The following RDX variants were observed in gnomAD, a reference collection of about 807,000 sequenced individuals.
The protein encoded by RDX is deafness, autosomal recessive 24.
RDX carries 32 observed loss-of-function variants against 83.7 expected under a neutral mutation model. The observed-to-expected ratio is 0.38, with a 90% CI of 0.29 to 0.51. The LOEUF (loss-of-function observed/expected upper bound fraction) is 0.51, where lower values mean the gene tolerates loss of function less well. Ranked by LOEUF, RDX falls within the 20% of genes least tolerant of loss-of-function variation. The pLI is 0.87. For missense variants in RDX, 600 were observed against 689.9 expected (o/e 0.87, Z 1.46); for synonymous variants, 229 against 222.7 (o/e 1.03, Z -0.25).
At chr11:110,244,662 G>C (rs1473717674) in intron 10 of RDX, among the ~76,000 whole-genome samples, 1 of 152,108 alleles carries the variant, frequency 6.6e-6, no homozygotes, top group Non-Finnish European at 1.5e-5. Context: ...GTACAACTTT[G>C]TGAATATACT....
chr11:110,238,393 C>G (rs773620844), intron 10 of RDX, among the ~76,000 whole-genome samples: 1 of 152,158 alleles, frequency 6.6e-6, no homozygotes, highest in African/African-American at 2.4e-5. Context: ...GAGAGTTTAA[C>G]AGTACTAACT....
In RDX at chr11:110,206,903, C is replaced by T. The variant is rs997456315; in HGVS notation, c.1749-7225G>A. Among the ~76,000 whole-genome samples, 14 of 152,274 alleles carry T rather than the reference C, an allele frequency of 9.2e-5. No individual in the cohort carries two copies. The South Asian group carries it at 2.3e-3, about 25-fold the overall frequency. On this transcript the variant is annotated intron_variant, in intron 14 of 15. Coordinates refer to the RDX transcript ENST00000528498. ...GTATTGGGTTGGAGTGAGACCCAAA[C>T]GAGCAATTCTCAAAGTGTGGTCCCA... is the stretch of plus-strand genomic sequence containing the variant.
intron 14 of RDX, chr11:110,200,517 A>G (rs557724463): frequency 1.6e-4 from 25 of 152,352 alleles, no homozygotes; most frequent in Non-Finnish European, 3.4e-4. Context: ...GGGTAAAACA[A>G]TTAGAAATGC....
At chr11:110,249,093 T>C (rs1044331621) in intron 9 of RDX, among the ~76,000 whole-genome samples, 2 of 152,218 alleles carry the variant, frequency 1.3e-5, no homozygotes, top group African/African-American at 2.4e-5. Flanking sequence ...GAATCTATGT[T>C]AGGGGCAAAA....
chr11:110,181,369 G>A lies in RDX; in HGVS notation c.*32-6135C>T, dbSNP rs571029593. 5.9e-5 allele frequency among the ~76,000 whole-genome samples: 9 copies of A among 152,246 alleles called. No homozygotes were observed. In the East Asian group the frequency reaches 1.7e-3, roughly 29 times the overall value. On this transcript the variant is annotated intron_variant, in intron 15 of 15. Coordinates refer to the RDX transcript ENST00000528498. ...AGTAGAGACGGGGTTTCATCATGTT[G>A]GCCAGGCTGGTCTTGATCTCCTGAC...
intron 10 of RDX, among the ~76,000 whole-genome samples, chr11:110,242,764 G>A (rs1422114241): frequency 6.6e-6 from 1 of 151,974 alleles, no homozygotes; most frequent in Admixed American, 6.6e-5. Flanking sequence ...CTTTTTAACA[G>A]TCATATAGCC....
chr11:110,176,506 G>A (rs79082554), intron 15 of RDX, among the ~76,000 whole-genome samples: 10 of 152,206 alleles, frequency 6.6e-5, no homozygotes, highest in East Asian at 5.8e-4. Flanking sequence ...CCCCAGCCAC[G>A]GGGTGCCTGG....
At position 110,233,308 on chromosome 11, in the gene RDX, T is replaced by C. The variant is rs146734750; in HGVS notation, c.1516A>G (p.Met506Val). ...ASAELSNEGV[M>V]NHRSEEERVT... The stretch of plus-strand genomic sequence containing the variant: ...CGTTCTTCCTCGCTTCTATGGTTCA[T>C]TACCCCTTCATTTGATAATTCAGCA... The change falls in exon 13 of 14, where the codon ATG becomes GTG. Residue 506 changes from methionine to valine, a missense_variant. Met to Val is a conservative substitution (Grantham distance 21). Transcript: ENST00000645495. The C allele has an allele frequency of 2.4e-5, 38 of 1,614,058 alleles. No individual in the cohort carries two copies. In the African/African-American group the frequency reaches 4.3e-4, roughly 18 times the overall value.
At chr11:110,240,849 G>A (rs1259312763) in intron 10 of RDX, among the ~76,000 whole-genome samples, 1 of 151,212 alleles carries the variant, frequency 6.6e-6, no homozygotes, top group Non-Finnish European at 1.5e-5. Context: ...CAGGTCAGGA[G>A]TTCGAGACCA....
At chr11:110,254,643 T>C (rs2134356122) in intron 8 of RDX, among the ~76,000 whole-genome samples, 1 of 152,152 alleles carries the variant, frequency 6.6e-6, no homozygotes, top group South Asian at 2.1e-4. Context: ...ATCTGACTAA[T>C]ATTTGTATTT....
At chr11:110,251,034 T>G (rs1859315912) in intron 9 of RDX, among the ~76,000 whole-genome samples, 2 of 152,184 alleles carry the variant, frequency 1.3e-5, no homozygotes, top group Non-Finnish European at 2.9e-5. Flanking sequence ...TCTCTACATA[T>G]TCATCTATGT....
At chr11:110,193,782 A>G (rs1863149144) in intron 15 of RDX, among the ~76,000 whole-genome samples, 1 of 152,208 alleles carries the variant, frequency 6.6e-6, no homozygotes, top group Non-Finnish European at 1.5e-5. Context: ...AGCCGCAGCA[A>G]ATGCCCAGGT....
At chr11:110,258,867 CTT>C (rs11421586) in intron 5 of RDX, among the ~76,000 whole-genome samples, 11 of 94,608 alleles carry the variant, frequency 1.2e-4, no homozygotes, top group African/African-American at 4.3e-4. Context: ...CAAATACATT[CTT>C]TTTTTTTTTT....
At chr11:110,277,150 A>G (rs1565330383) in intron 2 of RDX, among the ~76,000 whole-genome samples, 1 of 152,198 alleles carries the variant, frequency 6.6e-6, no homozygotes, top group African/African-American at 2.4e-5. Context: ...CCAACTGCAT[A>G]TAATTTTGAC....
intron 1 of RDX, among the ~76,000 whole-genome samples, chr11:110,280,692 C>T (rs1045001981): frequency 6.6e-6 from 1 of 152,236 alleles, no homozygotes; most frequent in Non-Finnish European, 1.5e-5. Flanking sequence ...GTAATCCCAA[C>T]ACTTTAGGAC....
chr11:110,209,985 G>A (rs1375954262), intron 14 of RDX, among the ~76,000 whole-genome samples: 2 of 145,016 alleles, frequency 1.4e-5, no homozygotes, highest in South Asian at 2.3e-4. Context: ...AAAGCTGGAT[G>A]GAGAATGACT....
At chr11:110,223,533 A>G (rs1435696671) in intron 14 of RDX, among the ~76,000 whole-genome samples, 1 of 152,130 alleles carries the variant, frequency 6.6e-6, no homozygotes, top group African/African-American at 2.4e-5. Context: ...GTCTCAAAAA[A>G]ATAAATAAAA....
chr11:110,265,241 C>T (rs1859988864), intron 3 of RDX, among the ~76,000 whole-genome samples: 1 of 151,776 alleles, frequency 6.6e-6, no homozygotes, highest in Non-Finnish European at 1.5e-5. Context: ...CAGGTATGCA[C>T]TACCACGCCT....
intron 15 of RDX, among the ~76,000 whole-genome samples, chr11:110,181,442 G>T (rs1041508108): frequency 1.3e-5 from 2 of 152,074 alleles, no homozygotes; most frequent in African/African-American, 4.8e-5. Context: ...GATTGCAGGC[G>T]TGAGCCACCG....
Sources: gnomAD v4.1 joint callset for allele counts (sites outside exome capture counted in the v4.1 genomes callset) on GRCh38, gnomAD v4.1.1 for gene constraint, MANE v1.5 for transcripts, NCBI Gene and HGNC (gene_info 2026-07-23, HGNC 2026-07-21) for gene names.